Variants in POU6F2 observed in about 807,000 individuals in gnomAD.
POU6F2 encodes the protein POU domain, class 6, transcription factor 2.
A neutral mutation model predicts 71.3 loss-of-function variants in POU6F2; 31 were observed. The ratio of observed to expected loss-of-function variants is 0.43; its 90% CI spans 0.33 to 0.59. POU6F2 has a LOEUF of 0.59. Ranked by LOEUF, POU6F2 falls within the 20% of genes least tolerant of loss-of-function variation. The pLI, the probability that POU6F2 is intolerant of heterozygous loss-of-function variation, is 0.04. For missense variants in POU6F2, 783 were observed against 856.8 expected (o/e 0.91, Z 1.07); for synonymous variants, 347 against 355.7 (o/e 0.98, Z 0.27).
At chr7:38,989,923 T>A (rs13236253) in intron 1 of POU6F2, among the ~76,000 whole-genome samples, 50,028 of 151,768 alleles carry the variant, frequency 0.33, 8,771 homozygotes, top group East Asian at 0.69. Context: ...GAGTCTGAAC[T>A]ATTTGAGATT....
chr7:39,321,894 G>T (rs36145227), intron 4 of POU6F2, among the ~76,000 whole-genome samples: 17,784 of 151,704 alleles, frequency 0.12, 1,474 homozygotes, highest in African/African-American at 0.23. Flanking sequence ...TATATATATA[G>T]AGAGAGAGAG....
chr7:39,156,765 C>A (rs1436095692), intron 2 of POU6F2, among the ~76,000 whole-genome samples: 3 of 152,138 alleles, frequency 2.0e-5, no homozygotes, highest in African/African-American at 7.2e-5. Context: ...AGATGAAAAC[C>A]AGTGTTCCCA....
chr7:39,168,161 GA>G (rs1447864199), intron 2 of POU6F2, among the ~76,000 whole-genome samples: 1 of 152,028 alleles, frequency 6.6e-6, no homozygotes, highest in Non-Finnish European at 1.5e-5. Flanking sequence ...ACAAAATTAG[GA>G]ATTTTGACCA....
At chr7:39,406,532 AT>A in intron 5 of POU6F2, 67 bp from the exon 6 acceptor site, 2 of 1,558,542 alleles carry the variant, frequency 1.3e-6, no homozygotes, top group Non-Finnish European at 1.7e-6. Flanking sequence ...CCCAGAGTCA[AT>A]GTTGTGTCCG....
At chr7:39,253,163 C>T (rs185904456) in intron 4 of POU6F2, among the ~76,000 whole-genome samples, 1 of 152,334 alleles carries the variant, frequency 6.6e-6, no homozygotes, top group Non-Finnish European at 1.5e-5. Context: ...TGAGCTGCTG[C>T]TCTGTGGTGT....
chr7:39,307,015 C>G (rs1320705974), intron 4 of POU6F2, among the ~76,000 whole-genome samples: 2 of 152,150 alleles, frequency 1.3e-5, no homozygotes, highest in Admixed American at 6.5e-5. Context: ...GGATGTCACT[C>G]CACTGAAGTG....
In POU6F2 at chr7:39,130,066, C is replaced by CAAA. The variant is rs572365688; in HGVS notation, c.277+44057_277+44059dup. 7.0e-4 allele frequency among the ~76,000 whole-genome samples: 31 copies of CAAA among 44,548 alleles called. 1 individual carries two copies. The South Asian group carries it at 0.014, about 20-fold the overall frequency. The allele number at this position is 44,548 out of a possible 152,430, so 29.2% of individuals were successfully genotyped here. On this transcript the variant is annotated intron_variant, in intron 2 of 9. Coordinates refer to ENST00000518318, the MANE Select transcript of POU6F2 (RefSeq NM_001370959.1). ...TGGGCGACAGAGCGAGACTCCATCT[C>CAAA]AAAAAAAAAAAAAAAAAAAAAAAAT... is the stretch of plus-strand genomic sequence containing the variant.
chr7:39,015,360 TATATA>T (rs944092153), intron 1 of POU6F2, among the ~76,000 whole-genome samples: 1 of 132,010 alleles, frequency 7.6e-6, no homozygotes, highest in Non-Finnish European at 1.5e-5. Context: ...AGATATATAT[TATATA>T]ATATATTATG....
At chr7:39,178,363 C>G (rs1348625617) in intron 2 of POU6F2, among the ~76,000 whole-genome samples, 1 of 151,978 alleles carries the variant, frequency 6.6e-6, no homozygotes, top group East Asian at 1.9e-4. Flanking sequence ...TCTATATGCC[C>G]CTATTGAATA....
At chr7:39,077,326 T>C (rs919481657) in intron 1 of POU6F2, among the ~76,000 whole-genome samples, 2 of 68,196 alleles carry the variant, frequency 2.9e-5, no homozygotes, top group Admixed American at 3.3e-4. Context: ...CCAAAGAAGC[T>C]TGTAGAGGTT....
chr7:39,086,088 C>T, intron 2 of POU6F2, 57 bp downstream of exon 2: 1 of 1,450,428 alleles, frequency 6.9e-7, no homozygotes, highest in South Asian at 1.3e-5. Context: ...AAGAGCAATC[C>T]AACCCCCCCA....
chr7:39,153,023 T>G (rs901894588), intron 2 of POU6F2, among the ~76,000 whole-genome samples: 4 of 152,202 alleles, frequency 2.6e-5, no homozygotes, highest in Admixed American at 2.6e-4. Flanking sequence ...TTACGCTTAC[T>G]CAAGTGAGGT....
At chr7:39,072,982 AT>A (rs1374465176) in intron 1 of POU6F2, among the ~76,000 whole-genome samples, 1 of 152,214 alleles carries the variant, frequency 6.6e-6, no homozygotes, top group Non-Finnish European at 1.5e-5. Context: ...CACAAAGAAG[AT>A]GCCGAATACA....
At chr7:39,118,464 A>T (rs1791977369) in intron 2 of POU6F2, among the ~76,000 whole-genome samples, 1 of 152,204 alleles carries the variant, frequency 6.6e-6, no homozygotes, top group Non-Finnish European at 1.5e-5. Flanking sequence ...TGCAGCAGGA[A>T]AAGGATGCCA....
intron 2 of POU6F2, among the ~76,000 whole-genome samples, chr7:39,158,712 C>T (rs531778594): frequency 2.0e-5 from 3 of 152,262 alleles, no homozygotes; most frequent in Non-Finnish European, 4.4e-5. Context: ...CAGGCCCCCA[C>T]CAATTGGATG....
At chr7:39,059,517 A>T (rs1159364925) in intron 1 of POU6F2, among the ~76,000 whole-genome samples, 1 of 151,658 alleles carries the variant, frequency 6.6e-6, no homozygotes, top group Non-Finnish European at 1.5e-5. Context: ...AAAAAAAAAA[A>T]AGGAAAATAA....
chr7:39,323,441 TCAA>T (rs1370225481), intron 4 of POU6F2, among the ~76,000 whole-genome samples: 1 of 152,226 alleles, frequency 6.6e-6, no homozygotes, highest in Non-Finnish European at 1.5e-5. Context: ...CAAACTTTTT[TCAA>T]GCCCTGTTTC....
intron 6 of POU6F2, among the ~76,000 whole-genome samples, chr7:39,412,014 CAAAT>C (rs1476848990): frequency 1.3e-5 from 2 of 152,178 alleles, no homozygotes; most frequent in Non-Finnish European, 2.9e-5. Context: ...TGTAATAAGA[CAAAT>C]AACATCTCCA....
intron 8 of POU6F2, 132 bp downstream of exon 8, chr7:39,451,833 G>A (rs986712611): frequency 4.2e-5 from 49 of 1,171,188 alleles, no homozygotes; most frequent in Non-Finnish European, 7.2e-6. Flanking sequence ...GAATTTCCTG[G>A]CACTGCTAGG....
Sources: allele counts gnomAD v4.1 joint callset (sites outside exome capture counted in the v4.1 genomes callset), GRCh38; gene constraint gnomAD v4.1.1; transcripts MANE v1.5; gene names NCBI Gene and HGNC (gene_info 2026-07-23, HGNC 2026-07-21).